The following BTRC variants were observed in gnomAD, a reference collection of about 807,000 sequenced individuals.
BTRC encodes the protein F-box/WD repeat-containing protein 1A.
A neutral mutation model predicts 85.5 loss-of-function variants in BTRC; 42 were observed. That is an observed-to-expected ratio of 0.49 (90% CI 0.38 to 0.64). The LOEUF is 0.64. BTRC is among the 30% of genes least tolerant of loss of function. The pLI, the probability that BTRC is intolerant of heterozygous loss-of-function variation, is 0.00. For missense variants in BTRC, 594 were observed against 743.5 expected (o/e 0.80, Z 2.34); for synonymous variants, 255 against 263.3 (o/e 0.97, Z 0.30).
At chr10:101,424,305 A>T (rs1353828949) in intron 1 of BTRC, among the ~76,000 whole-genome samples, 1 of 152,178 alleles carries the variant, frequency 6.6e-6, no homozygotes, top group Non-Finnish European at 1.5e-5. Flanking sequence ...AGATATGATT[A>T]TCCTATCTGA....
At chr10:101,538,185 G>A (rs2062414805) in intron 12 of BTRC, 108 bp from the exon 13 acceptor site, 1 of 918,300 alleles carries the variant, frequency 1.1e-6, no homozygotes, top group African/African-American at 1.6e-5. Context: ...ACGTACATTT[G>A]AACTATACTC....
chr10:101,440,830 T>C (rs536957435), intron 2 of BTRC, among the ~76,000 whole-genome samples: 1 of 152,356 alleles, frequency 6.6e-6, no homozygotes, highest in South Asian at 2.1e-4. Flanking sequence ...AAAATGGTGT[T>C]GGTAATTCCT....
In BTRC at chr10:101,430,372, G is replaced by T. The variant is rs771970568; in HGVS notation, c.76G>T (p.Gly26Cys). 6 of 1,613,878 alleles carry T rather than the reference G, an allele frequency of 3.7e-6. No individual in the cohort carries two copies. The highest frequency in any genetic ancestry group is 5.1e-6 in the Non-Finnish European group (6 of 1,179,932). ...CTCTATGCCCAGGTCTCTGTGGCTG[G>T]GCTGCTCCAGCCTGGCGGACAGCAT... Reference protein sequence around the residue: ...MCSMPRSLWLGCSSLADSMPS... With the variant: ...MCSMPRSLWLCCSSLADSMPS... Residue 26 changes from glycine (G) to cysteine (C), a missense_variant, in exon 2 of 15, where the codon GGC becomes TGC. Gly to Cys is a radical substitution (Grantham distance 159, BLOSUM62 -3). This residue lies in a region of BTRC where 163 missense variants were observed against 180.5 expected (regional missense o/e 0.90). Coordinates refer to ENST00000370187, the MANE Select transcript of BTRC (RefSeq NM_033637.4).
At chr10:101,380,901 A>G (rs7899334) in intron 1 of BTRC, among the ~76,000 whole-genome samples, 49,942 of 152,090 alleles carry the variant, frequency 0.33, 10,775 homozygotes, top group East Asian at 0.67. Context: ...CACAAATGCC[A>G]TGTGATATAA....
intron 1 of BTRC, among the ~76,000 whole-genome samples, chr10:101,382,068 C>T (rs968185139): frequency 7.6e-6 from 1 of 132,264 alleles, no homozygotes; most frequent in Non-Finnish European, 1.6e-5. Flanking sequence ...CTGCAACCTT[C>T]GCCTCCCAGG....
At chr10:101,462,259 A>G (rs961951990) in intron 3 of BTRC, among the ~76,000 whole-genome samples, 10 of 152,260 alleles carry the variant, frequency 6.6e-5, no homozygotes, top group African/African-American at 2.4e-4. Context: ...ATACATGTAC[A>G]GGACAGCTGG....
chr10:101,453,799 G>A (rs1305075304), intron 2 of BTRC, among the ~76,000 whole-genome samples: 1 of 152,144 alleles, frequency 6.6e-6, no homozygotes, highest in African/African-American at 2.4e-5. Flanking sequence ...AATACAAACA[G>A]CCTCAAAGTT....
chr10:101,389,610 C>CTTT (rs34480405), intron 1 of BTRC, among the ~76,000 whole-genome samples: 991 of 62,550 alleles, frequency 0.016, 111 homozygotes, highest in South Asian at 0.025. Context: ...TGCCAAACAC[C>CTTT]TTTTTTTTTT....
chr10:101,428,164 G>T (rs7082055), intron 1 of BTRC, among the ~76,000 whole-genome samples: 2 of 151,956 alleles, frequency 1.3e-5, no homozygotes, highest in Admixed American at 1.3e-4. Flanking sequence ...ACAGGGAGAA[G>T]GAAATTATAA....
chr10:101,506,863 G>A (rs2134313138), intron 4 of BTRC, among the ~76,000 whole-genome samples: 1 of 152,300 alleles, frequency 6.6e-6, no homozygotes, highest in Non-Finnish European at 1.5e-5. Flanking sequence ...TTTTTGAAAA[G>A]AGATCTAGGA....
chr10:101,482,145 G>A (rs559456822), intron 4 of BTRC, among the ~76,000 whole-genome samples: 27 of 151,854 alleles, frequency 1.8e-4, no homozygotes, highest in African/African-American at 5.6e-4. Context: ...TCAGCCTCCC[G>A]AGTGGCTGGG....
intron 1 of BTRC, among the ~76,000 whole-genome samples, chr10:101,370,495 T>C (rs984580702): frequency 2.8e-4 from 43 of 152,344 alleles, no homozygotes; most frequent in Middle Eastern, 3.4e-3. Flanking sequence ...TGCCTGGCCC[T>C]GACAAAATGA....
intron 1 of BTRC, among the ~76,000 whole-genome samples, chr10:101,358,441 C>T (rs773161509): frequency 2.6e-5 from 4 of 152,064 alleles, no homozygotes; most frequent in Non-Finnish European, 5.9e-5. Flanking sequence ...TATTCTTGTC[C>T]AGCCAATCCC....
At chr10:101,392,814 G>A (rs758970171) in intron 1 of BTRC, among the ~76,000 whole-genome samples, 5 of 152,142 alleles carry the variant, frequency 3.3e-5, no homozygotes, top group South Asian at 2.1e-4. Context: ...GTAAGCTTCC[G>A]CACCCGACCA....
rs373041165 is a variant in BTRC at position 101,545,622 on chromosome 10, A to G, written c.1657-5077A>G. Among the ~76,000 whole-genome samples, 4 of 152,228 alleles carry G rather than the reference A, an allele frequency of 2.6e-5. No individual in the cohort carries two copies. In the East Asian group the frequency reaches 5.8e-4, roughly 22 times the overall value. ...GACCATGTGAAGATAAAGGGAGAAG[A>G]TGACCATCTACAAGTCAAAGGAAGA... On this transcript the variant is annotated intron_variant, in intron 13 of 14. Coordinates refer to ENST00000370187, the MANE Select transcript of BTRC (RefSeq NM_033637.4).
At chr10:101,375,738 T>C (rs972394844) in intron 1 of BTRC, among the ~76,000 whole-genome samples, 6 of 152,230 alleles carry the variant, frequency 3.9e-5, no homozygotes, top group African/African-American at 1.4e-4. Flanking sequence ...TTACCCTGTA[T>C]AGGAATTATT....
chr10:101,372,239 G>A (rs1942656121), intron 1 of BTRC, among the ~76,000 whole-genome samples: 1 of 150,044 alleles, frequency 6.7e-6, no homozygotes, highest in East Asian at 2.0e-4. Flanking sequence ...TTGGCCTTTT[G>A]CGTTTTCTTT....
At chr10:101,410,306 A>G (rs753437125) in intron 1 of BTRC, among the ~76,000 whole-genome samples, 8 of 152,108 alleles carry the variant, frequency 5.3e-5, no homozygotes, top group South Asian at 2.1e-4. Context: ...CATTTTCCCA[A>G]TGACCGCTGA....
intron 1 of BTRC, among the ~76,000 whole-genome samples, chr10:101,390,819 C>T (rs1367513772): frequency 6.6e-6 from 1 of 152,092 alleles, no homozygotes; most frequent in African/African-American, 2.4e-5. Flanking sequence ...AATGTACTGT[C>T]CAGCACTCTC....
Sources: allele counts gnomAD v4.1 joint callset (sites outside exome capture counted in the v4.1 genomes callset), GRCh38; gene constraint gnomAD v4.1.1; regional missense constraint gnomAD v4.1.1; transcripts MANE v1.5; gene names NCBI Gene and HGNC (gene_info 2026-07-23, HGNC 2026-07-21).